The following SYTL4 variants were observed in gnomAD, a reference collection of about 807,000 sequenced individuals.
SYTL4 encodes synaptotagmin-like protein 4.
Under a neutral mutation model 52.7 loss-of-function variants are expected in SYTL4, and 16 were observed. The observed-to-expected ratio is 0.30, with a 90% CI of 0.21 to 0.46. The LOEUF (loss-of-function observed/expected upper bound fraction) is 0.46. Ranked by LOEUF, SYTL4 falls within the 20% of genes least tolerant of loss-of-function variation. The pLI is 1.00. For missense variants in SYTL4, 423 were observed against 519.9 expected (o/e 0.81, Z 1.81); for synonymous variants, 160 against 186.6 (o/e 0.86, Z 1.16).
chrX:100,724,418 T>G (rs770774222), intron 2 of SYTL4, among the ~76,000 whole-genome samples: 1,966 of 103,721 alleles, frequency 0.019, 53 homozygotes, highest in African/African-American at 0.066. Flanking sequence ...GGCGGTTTTG[T>G]GGAATAGAAA....
chrX:100,701,022 C>A, intron 7 of SYTL4, 23 bp from the exon 8 acceptor site: 2 of 1,146,658 alleles, frequency 1.7e-6, no homozygotes, highest in South Asian at 1.8e-5. Flanking sequence ...GAAAAGTATG[C>A]CAGGGTGGTG....
Position 100,686,739 on chromosome X carries a change from T to C in SYTL4, c.1227A>G (p.Gly409=). 8.3e-7 allele frequency: 1 copy of C among 1,211,277 alleles called. No homozygotes were observed. Among genetic ancestry groups the C allele is most frequent in the Non-Finnish European group, 1.1e-6 (1 of 895,068 alleles). The part of the protein sequence containing the change: ...TYLLPDKSRQ[G]KRKTSIKRDT... ...CCCGCTTGATGCTGGTTTTTCTTTTTCCTTGGCGGGACTTGTCAGGCAGAA... is the reference window on the plus strand; with the variant it reads ...CCCGCTTGATGCTGGTTTTTCTTTTCCCTTGGCGGGACTTGTCAGGCAGAA... The change falls in exon 15 of 20, where the codon GGA becomes GGG. Residue 409 remains glycine, a synonymous_variant. Transcript: ENST00000372989.
At chrX:100,677,087 G>A (rs2083291001) in intron 19 of SYTL4, among the ~76,000 whole-genome samples, 1 of 111,984 alleles carries the variant, frequency 8.9e-6, no homozygotes, top group Middle Eastern at 4.6e-3. Flanking sequence ...AATAAACAGG[G>A]TGATGTATAG....
intron 1 of SYTL4, 61 bp downstream of exon 1, chrX:100,731,943 T>TG: frequency 9.1e-6 from 1 of 110,162 alleles, no homozygotes; most frequent in Non-Finnish European, 1.9e-5. Context: ...GAAAAGGAGC[T>TG]GGGGGTCCAG....
chrX:100,713,232 G>A (rs888113192), intron 2 of SYTL4, among the ~76,000 whole-genome samples: 3 of 112,007 alleles, frequency 2.7e-5, no homozygotes, highest in Non-Finnish European at 1.9e-5. Flanking sequence ...ATCGCTTGAG[G>A]TCAGGAATTT....
Position 100,702,821 on chromosome X carries a change from C to T in SYTL4, c.-71+272G>A, listed in dbSNP as rs146284316. ...ACAGACACACATAAATACAGTACAACGCATTAAGTGCTATCAGAGGGATTA... is the reference window on the plus strand; with the variant it reads ...ACAGACACACATAAATACAGTACAATGCATTAAGTGCTATCAGAGGGATTA... On this transcript the variant is annotated intron_variant, in intron 4 of 19. Coordinates refer to ENST00000372989, the MANE Select transcript of SYTL4 (RefSeq NM_001370165.1). Among the ~76,000 whole-genome samples the T allele has an allele frequency of 4.3e-3, 478 of 111,529 alleles. 2 individuals carry two copies. Among genetic ancestry groups the T allele is most frequent in the Middle Eastern group, 4.6e-3 (1 of 217 alleles).
chrX:100,728,401 T>C (rs1000885570), intron 2 of SYTL4, among the ~76,000 whole-genome samples: 5 of 112,044 alleles, frequency 4.5e-5, no homozygotes, highest in Non-Finnish European at 9.4e-5. Flanking sequence ...GTCATCCTGG[T>C]AGAAAACTAG....
Position 100,688,333 on chromosome X carries a change from A to C in SYTL4, c.1005+18T>G. 8.4e-7 allele frequency: 1 copy of C among 1,192,058 alleles called. No individual in the cohort carries two copies. The highest frequency in any genetic ancestry group is 1.1e-6 in the Non-Finnish European group (1 of 877,929). On this transcript the variant is annotated intron_variant, in intron 13 of 19. Transcript: ENST00000372989. Reference sequence around the variant, plus strand: ...AGTACCCCAACATGCCTGTAACCACAGATCTAATAGAACTTACCATGGAGG... The same window carrying C: ...AGTACCCCAACATGCCTGTAACCACCGATCTAATAGAACTTACCATGGAGG...
intron 2 of SYTL4, among the ~76,000 whole-genome samples, chrX:100,711,503 A>G (rs1326108044): frequency 8.9e-6 from 1 of 112,062 alleles, no homozygotes; most frequent in Non-Finnish European, 1.9e-5. Flanking sequence ...GATAAAAGGT[A>G]CAATGTCTGA....
At position 100,723,733 on chromosome X, in the gene SYTL4, G is replaced by GAGA. The variant is rs1434611976; in HGVS notation, c.-240+7684_-240+7685insTCT. Among the ~76,000 whole-genome samples the GAGA allele has an allele frequency of 3.5e-4, 38 of 107,506 alleles. 1 individual carries two copies. Among genetic ancestry groups the GAGA allele is most frequent in the African/African-American group, 1.3e-3 (37 of 29,281 alleles). 93.4% of individuals were successfully genotyped at this position (107,506 alleles called of 115,157 possible). Reference sequence around the variant, plus strand: ...ATGTGAGGAGCGTCTCTGCCCGGCCGCCCCGTCTGAGAAGTGAGGAGCCCC... The same window carrying GAGA: ...ATGTGAGGAGCGTCTCTGCCCGGCCGAGACCCCGTCTGAGAAGTGAGGAGCCCC... On this transcript the variant is annotated intron_variant, in intron 2 of 19. Transcript: ENST00000372989.
intron 2 of SYTL4, among the ~76,000 whole-genome samples, chrX:100,729,896 G>A (rs1258314671): frequency 1.8e-5 from 2 of 110,472 alleles, no homozygotes; most frequent in African/African-American, 3.3e-5. Context: ...TTTTTAGGAA[G>A]AAAAAAAGGA....
chrX:100,675,889 T>TACACACACACACACACACAC lies in SYTL4; in HGVS notation c.*138_*139insGTGTGTGTGTGTGTGTGTGT. The TACACACACACACACACACAC allele has an allele frequency of 1.2e-5, 5 of 407,878 alleles. No homozygotes were observed. The highest frequency in any genetic ancestry group is 2.0e-5 in the Non-Finnish European group (5 of 252,440). 33.6% of individuals were successfully genotyped at this position (407,878 alleles called of 1,213,427 possible). On this transcript the variant is annotated 3_prime_UTR_variant, in exon 20 of 20. Coordinates refer to ENST00000372989, the MANE Select transcript of SYTL4 (RefSeq NM_001370165.1). ...GAGATTTGCAGAAAATACATGTTTG[T>TACACACACACACACACACAC]ACACATACACACACACACACACACA...
At chrX:100,689,639 CAAAAA>C (rs58418223) in intron 12 of SYTL4, among the ~76,000 whole-genome samples, 6 of 39,658 alleles carry the variant, frequency 1.5e-4, no homozygotes, top group African/African-American at 1.2e-4. Context: ...AACTCCGTCT[CAAAAA>C]AAAAAAAAAA....
At chrX:100,708,161 C>T (rs1012224620) in intron 2 of SYTL4, among the ~76,000 whole-genome samples, 7 of 108,770 alleles carry the variant, frequency 6.4e-5, no homozygotes, top group African/African-American at 2.4e-4. Flanking sequence ...CACCATGGCA[C>T]GTGTATACCT....
At chrX:100,716,826 C>T (rs1223651552) in intron 2 of SYTL4, among the ~76,000 whole-genome samples, 1 of 111,525 alleles carries the variant, frequency 9.0e-6, no homozygotes, top group Non-Finnish European at 1.9e-5. Flanking sequence ...TAAAATGTAA[C>T]TGTCTTAGAT....
intron 8 of SYTL4, among the ~76,000 whole-genome samples, chrX:100,694,731 ATAG>A (rs1389927518): frequency 8.9e-6 from 1 of 112,070 alleles, no homozygotes; most frequent in East Asian, 2.8e-4. Flanking sequence ...TGCCTGGCAC[ATAG>A]TAGGCATTCA....
At chrX:100,713,865 AAC>A in intron 2 of SYTL4, among the ~76,000 whole-genome samples, 1 of 111,342 alleles carries the variant, frequency 9.0e-6, no homozygotes, top group East Asian at 2.8e-4. Flanking sequence ...GCAAAAAAAA[AAC>A]ACTGTATGAT....
At position 100,716,701 on chromosome X, in the gene SYTL4, A is replaced by G. The variant is rs138195267; in HGVS notation, c.-239-11815T>C. Among the ~76,000 whole-genome samples, 8 of 110,327 alleles carry G rather than the reference A, an allele frequency of 7.3e-5. No individual in the cohort carries two copies. The East Asian group carries it at 2.0e-3, about 27-fold the overall frequency. ...CTGGTAACATTTGCATGAGCATACAACATTGCTTACAGTCAATAAAATAAT... is the reference window on the plus strand; with the variant it reads ...CTGGTAACATTTGCATGAGCATACAGCATTGCTTACAGTCAATAAAATAAT... On this transcript the variant is annotated intron_variant, in intron 2 of 19. Transcript: ENST00000372989.
At chrX:100,726,490 T>C (rs769146926) in intron 2 of SYTL4, among the ~76,000 whole-genome samples, 1 of 109,645 alleles carries the variant, frequency 9.1e-6, no homozygotes, top group Non-Finnish European at 1.9e-5. Context: ...TCCTTCTCCA[T>C]AGTTTTTACC....
Sources: allele counts gnomAD v4.1 joint callset (sites outside exome capture counted in the v4.1 genomes callset), GRCh38; gene constraint gnomAD v4.1.1; transcripts MANE v1.5; gene names NCBI Gene and HGNC (gene_info 2026-07-23, HGNC 2026-07-21).